Variants in SV2C observed in about 807,000 individuals in gnomAD.
The protein encoded by SV2C is solute carrier family 22 member B3.
In SV2C, 49 loss-of-function variants were observed where a neutral mutation model predicts 79.7. That is an observed-to-expected ratio of 0.61 (90% CI 0.49 to 0.78). The LOEUF is 0.78. Among genes scored for constraint, SV2C ranks in the 30% least tolerant of loss-of-function variants. SV2C has a pLI of 0.00. For synonymous variants in SV2C, 334 were observed against 333.2 expected (o/e 1.00, Z -0.03); for missense variants, 833 against 912.9 (o/e 0.91, Z 1.13).
the SV2C span, among the ~76,000 whole-genome samples, chr5:76,058,432 A>G: frequency 6.6e-6 from 1 of 152,110 alleles, no homozygotes; most frequent in Non-Finnish European, 1.5e-5. Context: ...TCCAATCCTG[A>G]CTTACATCCC....
At chr5:75,989,629 A>G in the SV2C span, among the ~76,000 whole-genome samples, 1 of 151,984 alleles carries the variant, frequency 6.6e-6, no homozygotes. Context: ...AATGATTTCT[A>G]TTCCCTTGGG....
chr5:76,191,322 C>G (rs1156324278), intron 2 of SV2C, among the ~76,000 whole-genome samples: 1 of 152,066 alleles, frequency 6.6e-6, no homozygotes, highest in Non-Finnish European at 1.5e-5. Flanking sequence ...GGACACAGAC[C>G]CAAACCTTAT....
chr5:76,281,049 C>G lies in SV2C; in HGVS notation c.914-4113C>G. Reference sequence around the variant, plus strand: ...AGCCCAAGTTCTAAATCAGTCGGCCCCTGGCCAGGTTAAGTAACTTAGCAC... The same window carrying G: ...AGCCCAAGTTCTAAATCAGTCGGCCGCTGGCCAGGTTAAGTAACTTAGCAC... On this transcript the variant is annotated intron_variant, in intron 4 of 12. Coordinates refer to ENST00000502798, the MANE Select transcript of SV2C (RefSeq NM_014979.4). The G allele has an allele frequency of 7.4e-6, 4 of 541,280 alleles. No individual in the cohort carries two copies. The Admixed American group carries it at 7.7e-5, about 10-fold the overall frequency. 33.5% of individuals were successfully genotyped at this position (541,280 alleles called of 1,614,324 possible).
intron 8 of SV2C, 60 bp from the exon 9 acceptor site, chr5:76,295,718 T>C: frequency 6.5e-7 from 1 of 1,536,028 alleles, no homozygotes; most frequent in African/African-American, 1.4e-5. Context: ...CATCAGGGAG[T>C]TGCTCATTGC....
intron 4 of SV2C, among the ~76,000 whole-genome samples, chr5:76,228,608 A>G (rs1165462079): frequency 6.6e-6 from 1 of 152,160 alleles, no homozygotes; most frequent in Admixed American, 6.5e-5. Context: ...CCCCAGGGAA[A>G]ACAAGAGGAA....
At chr5:76,286,451 G>A (rs553199218) in intron 6 of SV2C, among the ~76,000 whole-genome samples, 2 of 152,146 alleles carry the variant, frequency 1.3e-5, no homozygotes, top group African/African-American at 4.8e-5. Context: ...ATCTTAGAGA[G>A]GTATGCCTCT....
the SV2C span, among the ~76,000 whole-genome samples, chr5:75,969,040 A>G: frequency 8.5e-5 from 13 of 152,162 alleles, no homozygotes; most frequent in Admixed American, 8.5e-4. Context: ...TAAACAAAAG[A>G]ATTTTCAACC....
the SV2C span, among the ~76,000 whole-genome samples, chr5:75,912,972 G>A: frequency 0.033 from 5,038 of 152,252 alleles, 199 homozygotes; most frequent in African/African-American, 0.1. Context: ...GCAGGAGAGT[G>A]TATTTGATTT....
At chr5:75,996,329 G>A in the SV2C span, among the ~76,000 whole-genome samples, 98,068 of 151,944 alleles carry the variant, frequency 0.65, 31,654 homozygotes, top group Middle Eastern at 0.71. Context: ...GCTCTGTTCC[G>A]TTCCATTAGT....
the SV2C span, among the ~76,000 whole-genome samples, chr5:76,053,112 C>CA: frequency 0.57 from 78,810 of 139,382 alleles, 22,871 homozygotes; most frequent in African/African-American, 0.76. Flanking sequence ...CAATATGGGC[C>CA]AAAAAAAAAA....
At chr5:75,945,580 A>G in the SV2C span, among the ~76,000 whole-genome samples, 3 of 152,126 alleles carry the variant, frequency 2.0e-5, no homozygotes, top group South Asian at 6.2e-4. Context: ...CAGCCTCCCA[A>G]AGTGCTGGGA....
At chr5:76,278,230 TGC>T (rs1043138709) in intron 4 of SV2C, among the ~76,000 whole-genome samples, 3 of 152,068 alleles carry the variant, frequency 2.0e-5, no homozygotes, top group Non-Finnish European at 2.9e-5. Context: ...GACTAGCACT[TGC>T]TTAGGAGGTC....
the SV2C span, among the ~76,000 whole-genome samples, chr5:76,046,510 A>G: frequency 6.6e-6 from 1 of 152,358 alleles, no homozygotes; most frequent in Admixed American, 6.5e-5. Context: ...GCTCGTATCC[A>G]CACGATTGTG....
At chr5:75,967,396 A>C in the SV2C span, among the ~76,000 whole-genome samples, 1 of 152,192 alleles carries the variant, frequency 6.6e-6, no homozygotes, top group Non-Finnish European at 1.5e-5. Flanking sequence ...GGGAAGCGCA[A>C]GGGGTCAAGG....
chr5:76,276,620 A>G (rs1335050809), intron 4 of SV2C, among the ~76,000 whole-genome samples: 1 of 147,852 alleles, frequency 6.8e-6, no homozygotes, highest in Non-Finnish European at 1.5e-5. Context: ...GAGCTACAGT[A>G]CCTGGCCTTT....
chr5:75,982,574 A>T, the SV2C span, among the ~76,000 whole-genome samples: 1 of 152,350 alleles, frequency 6.6e-6, no homozygotes. Context: ...AAAGATCTAA[A>T]GACAGAAATA....
chr5:75,971,298 C>T, the SV2C span, among the ~76,000 whole-genome samples: 13 of 151,968 alleles, frequency 8.6e-5, no homozygotes, highest in Non-Finnish European at 1.9e-4. Flanking sequence ...CACTCCTATT[C>T]AACATAGTGT....
chr5:75,954,612 T>C, the SV2C span, among the ~76,000 whole-genome samples: 1 of 149,774 alleles, frequency 6.7e-6, no homozygotes, highest in Non-Finnish European at 1.5e-5. Context: ...TTGTCCCTGT[T>C]TGCAGATGAC....
At chr5:76,210,963 A>G (rs757328646) in intron 4 of SV2C, among the ~76,000 whole-genome samples, 2 of 152,176 alleles carry the variant, frequency 1.3e-5, no homozygotes, top group Non-Finnish European at 2.9e-5. Flanking sequence ...TGTGCTATCA[A>G]TGCTGGGGAT....
Sources: allele counts gnomAD v4.1 joint callset (sites outside exome capture counted in the v4.1 genomes callset), GRCh38; gene constraint gnomAD v4.1.1; transcripts MANE v1.5; gene names NCBI Gene and HGNC (gene_info 2026-07-23, HGNC 2026-07-21).